The following KYNU variants were observed in gnomAD, a reference collection of about 807,000 sequenced individuals.
KYNU encodes L-kynurenine hydrolase.
KYNU carries 54 observed loss-of-function variants against 59.2 expected under a neutral mutation model. The observed-to-expected ratio is 0.91, with a 90% CI of 0.73 to 1.14. The LOEUF (loss-of-function observed/expected upper bound fraction) is 1.14, where lower values mean the gene tolerates loss of function less well. Among genes scored for constraint, KYNU ranks in the 50% most tolerant of loss-of-function variants. The pLI, the probability that KYNU is intolerant of heterozygous loss-of-function variation, is 0.00. For missense variants in KYNU, 567 were observed against 554.4 expected, an observed-to-expected ratio of 1.02 and a Z score of -0.23; for synonymous variants, 177 against 192.0, an observed-to-expected ratio of 0.92 and a Z score of 0.65.
intron 10 of KYNU, among the ~76,000 whole-genome samples, chr2:142,997,526 G>A: frequency 6.6e-6 from 1 of 152,068 alleles, no homozygotes; most frequent in Non-Finnish European, 1.5e-5. Flanking sequence ...ATAGCCTTTA[G>A]GAAGAGAGAG....
At chr2:142,939,381 A>G (rs1461145631) in intron 4 of KYNU, among the ~76,000 whole-genome samples, 1 of 152,124 alleles carries the variant, frequency 6.6e-6, no homozygotes, top group East Asian at 1.9e-4. Flanking sequence ...AAGCGGGCAG[A>G]TCACAAGGTC....
intron 10 of KYNU, among the ~76,000 whole-genome samples, chr2:143,000,721 T>A (rs1685685504): frequency 6.6e-6 from 1 of 152,212 alleles, no homozygotes. Context: ...TTTCAGCAGA[T>A]ACTAAGTGAA....
At chr2:142,968,667 A>C (rs1347693498) in intron 8 of KYNU, among the ~76,000 whole-genome samples, 1 of 152,122 alleles carries the variant, frequency 6.6e-6, no homozygotes, top group Non-Finnish European at 1.5e-5. Flanking sequence ...TAGTCCCAGC[A>C]CTTTGGAAGC....
chr2:143,042,765 T>C lies in KYNU; in HGVS notation c.*593T>C, dbSNP rs972147684. On this transcript the variant is annotated 3_prime_UTR_variant, in exon 14 of 14. Coordinates refer to ENST00000264170, the MANE Select transcript of KYNU (RefSeq NM_003937.3). ...AGAAACCAGTATTTATGTGAATATATGAGAAATATTATTGATTCTAAGATA... is the reference window on the plus strand; with the variant it reads ...AGAAACCAGTATTTATGTGAATATACGAGAAATATTATTGATTCTAAGATA... 5 of 151,080 alleles carry C rather than the reference T, an allele frequency of 3.3e-5. No individual in the cohort carries two copies. The highest frequency in any genetic ancestry group is 1.2e-4 in the African/African-American group (5 of 41,156). 9.4% of individuals were successfully genotyped at this position (151,080 alleles called of 1,614,324 possible). A position where few individuals can be genotyped will look rare whatever the true frequency, so the allele number is the denominator to read the frequency against.
At chr2:142,893,373 G>T (rs1361539422) in intron 2 of KYNU, among the ~76,000 whole-genome samples, 4 of 152,162 alleles carry the variant, frequency 2.6e-5, no homozygotes, top group Admixed American at 1.3e-4. Flanking sequence ...CAGAGGGCTT[G>T]CCATCATCAG....
intron 4 of KYNU, among the ~76,000 whole-genome samples, chr2:142,932,600 C>T (rs72988631): frequency 0.028 from 4,185 of 151,956 alleles, 114 homozygotes; most frequent in African/African-American, 0.069. Flanking sequence ...TCCAGGTAGA[C>T]GAGTGTGACT....
At chr2:142,912,343 T>C (rs928313486) in intron 2 of KYNU, among the ~76,000 whole-genome samples, 1 of 151,024 alleles carries the variant, frequency 6.6e-6, no homozygotes, top group Non-Finnish European at 1.5e-5. Context: ...AAAGTGTTCA[T>C]AAGAGTCTCT....
At chr2:142,885,095 C>T (rs572265489) in intron 1 of KYNU, among the ~76,000 whole-genome samples, 1 of 116,222 alleles carries the variant, frequency 8.6e-6, no homozygotes. Context: ...AAACTCCTGA[C>T]CTCAAGTGAT....
chr2:142,886,579 A>G (rs1028895276), intron 2 of KYNU, among the ~76,000 whole-genome samples: 14 of 130,848 alleles, frequency 1.1e-4, no homozygotes, highest in African/African-American at 3.7e-4. Context: ...CTGAGACCAT[A>G]GAAGAAAAAT....
At chr2:142,936,271 G>A (rs188802012) in intron 4 of KYNU, among the ~76,000 whole-genome samples, 8 of 152,248 alleles carry the variant, frequency 5.3e-5, no homozygotes, top group Non-Finnish European at 1.2e-4. Context: ...GCTTAAGTTC[G>A]TTAAAATTAT....
At chr2:142,973,342 T>C (rs1412258631) in intron 8 of KYNU, among the ~76,000 whole-genome samples, 1 of 152,114 alleles carries the variant, frequency 6.6e-6, no homozygotes, top group Non-Finnish European at 1.5e-5. Context: ...GCATCAAAAG[T>C]CTTTCTGAAT....
chr2:142,918,697 T>A lies in KYNU; in HGVS notation c.258T>A (p.Tyr86Ter), dbSNP rs1682762928. ...TTCAACCAAAAATGGTTAAAACATATCTTGAAGAAGAACTAGATAAGTGGG... is the reference window on the plus strand; with the variant it reads ...TTCAACCAAAAATGGTTAAAACATAACTTGAAGAAGAACTAGATAAGTGGG... The part of the protein sequence containing the change: ...LGLQPKMVKT[Y>*]LEEELDKWAK... Residue 86 changes from tyrosine to a stop codon, truncating the protein, a stop_gained, in exon 3 of 14, where the codon TAT (tyrosine) becomes TAA (stop). Transcript: ENST00000264170. LOFTEE classifies it high-confidence loss of function. The A allele has an allele frequency of 1.9e-6, 3 of 1,612,358 alleles. No individual in the cohort carries two copies. In the Admixed American group the frequency reaches 5.0e-5, roughly 27 times the overall value.
At chr2:142,917,696 C>T (rs1421005894) in intron 2 of KYNU, among the ~76,000 whole-genome samples, 2 of 152,120 alleles carry the variant, frequency 1.3e-5, no homozygotes, top group East Asian at 3.9e-4. Context: ...TCTTCTGGCA[C>T]ACATGTGTAA....
At chr2:142,977,017 C>A (rs566735336) in intron 8 of KYNU, among the ~76,000 whole-genome samples, 1 of 152,050 alleles carries the variant, frequency 6.6e-6, no homozygotes, top group Non-Finnish European at 1.5e-5. Context: ...GGTTTTATCA[C>A]GCAGATGAAG....
rs1415534166 is a variant in KYNU, at chr2:143,045,192, A to G, written c.*3020A>G. 6.6e-6 allele frequency: 1 copy of G among 151,930 alleles called. No individual in the cohort carries two copies. Among genetic ancestry groups the G allele is most frequent in the East Asian group, 1.9e-4 (1 of 5,188 alleles). 9.4% of individuals were successfully genotyped at this position (151,930 alleles called of 1,614,324 possible). A position where few individuals can be genotyped will look rare whatever the true frequency, so the allele number is the denominator to read the frequency against. ...CCTCTGTTTTGTTCCATTGGTCTAT[A>G]TGTCTGTTTTTGTTCAGTACCATGC... is the stretch of plus-strand genomic sequence containing the variant. On this transcript the variant is annotated 3_prime_UTR_variant, in exon 14 of 14. Transcript: ENST00000264170.
chr2:142,959,292 G>A (rs182302533), intron 7 of KYNU, among the ~76,000 whole-genome samples: 2 of 152,116 alleles, frequency 1.3e-5, no homozygotes, highest in African/African-American at 2.4e-5. Flanking sequence ...AGACAGCACT[G>A]GAGAAAATTC....
chr2:142,939,459 G>A (rs564023410), intron 4 of KYNU, among the ~76,000 whole-genome samples: 8 of 151,644 alleles, frequency 5.3e-5, no homozygotes, highest in South Asian at 4.2e-4. Flanking sequence ...AAAATTAGCC[G>A]GGCATTGTGG....
chr2:142,940,298 T>C (rs1224285139), intron 4 of KYNU, among the ~76,000 whole-genome samples: 1 of 152,254 alleles, frequency 6.6e-6, no homozygotes, highest in African/African-American at 2.4e-5. Context: ...GAACATAAAC[T>C]GCATTCTAAT....
At chr2:143,036,943 A>G (rs1332258829) in intron 12 of KYNU, among the ~76,000 whole-genome samples, 4 of 152,248 alleles carry the variant, frequency 2.6e-5, no homozygotes, top group Non-Finnish European at 5.9e-5. Flanking sequence ...GAGAGATTCT[A>G]TACTTAAGAA....
Sources: allele counts gnomAD v4.1 joint callset (sites outside exome capture counted in the v4.1 genomes callset), GRCh38; gene constraint gnomAD v4.1.1; transcripts MANE v1.5; gene names NCBI Gene and HGNC (gene_info 2026-07-23, HGNC 2026-07-21).